The following GNA14 variants were observed in gnomAD, a reference collection of about 807,000 sequenced individuals.
The protein encoded by GNA14 is G protein subunit alpha 14.
A neutral mutation model predicts 42.0 loss-of-function variants in GNA14; 50 were observed. The ratio of observed to expected loss-of-function variants is 1.19; its 90% CI spans 0.95 to 1.51. The LOEUF is 1.51. GNA14 is among the 40% of genes most tolerant of loss of function. The pLI, the probability that GNA14 is intolerant of heterozygous loss-of-function variation, is 0.00. For missense variants in GNA14, 473 were observed against 446.2 expected, an observed-to-expected ratio of 1.06 and a Z score of -0.54; for synonymous variants, 173 against 163.1, an observed-to-expected ratio of 1.06 and a Z score of -0.46.
At chr9:77,612,097 T>C (rs907998576) in intron 1 of GNA14, among the ~76,000 whole-genome samples, 6 of 152,156 alleles carry the variant, frequency 3.9e-5, no homozygotes, top group African/African-American at 1.4e-4. Context: ...AGGCTAAAGA[T>C]CTACATCTAT....
intron 2 of GNA14, among the ~76,000 whole-genome samples, chr9:77,486,493 G>T (rs975811103): frequency 6.6e-5 from 10 of 152,148 alleles, no homozygotes; most frequent in African/African-American, 2.4e-4. Flanking sequence ...TTTCTTTGAA[G>T]AACTTTTCTT....
chr9:77,595,424 T>C (rs767814048), intron 1 of GNA14, among the ~76,000 whole-genome samples: 2 of 151,968 alleles, frequency 1.3e-5, no homozygotes, highest in Non-Finnish European at 2.9e-5. Context: ...AGAACCACCA[T>C]TTATTGAGGG....
intron 2 of GNA14, among the ~76,000 whole-genome samples, chr9:77,440,375 T>C (rs1227035267): frequency 2.0e-5 from 3 of 152,186 alleles, no homozygotes; most frequent in Non-Finnish European, 4.4e-5. Context: ...CAGCCCCGTC[T>C]CCACCAGATC....
chr9:77,633,016 G>A (rs1824123362), intron 1 of GNA14, among the ~76,000 whole-genome samples: 1 of 152,142 alleles, frequency 6.6e-6, no homozygotes, highest in Non-Finnish European at 1.5e-5. Flanking sequence ...TAAAAGTAAT[G>A]TATTTCTCCA....
intron 1 of GNA14, among the ~76,000 whole-genome samples, chr9:77,553,877 A>C (rs887139442): frequency 6.6e-6 from 1 of 152,252 alleles, no homozygotes; most frequent in African/African-American, 2.4e-5. Flanking sequence ...AATGAGAAAA[A>C]AAATAAATGC....
At chr9:77,566,727 A>C (rs942786585) in intron 1 of GNA14, among the ~76,000 whole-genome samples, 1 of 152,174 alleles carries the variant, frequency 6.6e-6, no homozygotes, top group Admixed American at 6.5e-5. Context: ...GTTTTAAGTA[A>C]TATTTGGAAG....
intron 2 of GNA14, among the ~76,000 whole-genome samples, chr9:77,508,587 G>C (rs528046654): frequency 1.3e-5 from 2 of 152,202 alleles, no homozygotes; most frequent in Non-Finnish European, 2.9e-5. Context: ...GTGCGTGAGT[G>C]TATGTTTATG....
At chr9:77,527,332 T>C (rs1235398935) in intron 2 of GNA14, among the ~76,000 whole-genome samples, 1 of 152,222 alleles carries the variant, frequency 6.6e-6, no homozygotes, top group African/African-American at 2.4e-5. Context: ...TAGAATCTCC[T>C]AGTGGCTCAG....
intron 2 of GNA14, among the ~76,000 whole-genome samples, chr9:77,454,187 T>C (rs145621628): frequency 8.2e-4 from 125 of 152,312 alleles, no homozygotes; most frequent in Admixed American, 2.2e-3. Flanking sequence ...TCCTGAAGCT[T>C]TGGATTTGGT....
intron 2 of GNA14, chr9:77,517,593 T>G (rs1450843637): frequency 1.9e-5 from 1 of 52,242 alleles, no homozygotes; most frequent in East Asian, 6.3e-4. Context: ...TACTTTTCTT[T>G]TTTTTTTTTT....
At chr9:77,622,938 G>C (rs534699339) in intron 1 of GNA14, among the ~76,000 whole-genome samples, 2 of 148,250 alleles carry the variant, frequency 1.3e-5, no homozygotes, top group East Asian at 4.0e-4. Context: ...TTCAGGTGGG[G>C]CACAGGTGGC....
chr9:77,512,285 T>A (rs1341730146), intron 2 of GNA14, among the ~76,000 whole-genome samples: 3 of 152,226 alleles, frequency 2.0e-5, no homozygotes, highest in Non-Finnish European at 2.9e-5. Flanking sequence ...TTAAAGGGAC[T>A]AGAGGAGTTT....
At chr9:77,570,539 TA>T (rs1823044112) in intron 1 of GNA14, among the ~76,000 whole-genome samples, 1 of 152,204 alleles carries the variant, frequency 6.6e-6, no homozygotes, top group South Asian at 2.1e-4. Flanking sequence ...ATAATTTTTT[TA>T]GGTTTATTTA....
At chr9:77,629,814 C>T (rs1824067874) in intron 1 of GNA14, among the ~76,000 whole-genome samples, 1 of 152,102 alleles carries the variant, frequency 6.6e-6, no homozygotes, top group Non-Finnish European at 1.5e-5. Context: ...ACCACCATGG[C>T]ACGTGTATAC....
chr9:77,533,456 A>C (rs927406268), intron 1 of GNA14, among the ~76,000 whole-genome samples: 1 of 152,250 alleles, frequency 6.6e-6, no homozygotes, highest in Non-Finnish European at 1.5e-5. Flanking sequence ...CAAGGATTAC[A>C]GGCGTGAGCC....
chr9:77,605,585 G>A (rs1823634152), intron 1 of GNA14, among the ~76,000 whole-genome samples: 1 of 152,156 alleles, frequency 6.6e-6, no homozygotes, highest in Non-Finnish European at 1.5e-5. Flanking sequence ...ATACTACTCA[G>A]TCTTTAAAAA....
At chr9:77,482,231 T>G (rs559415209) in intron 2 of GNA14, among the ~76,000 whole-genome samples, 146 of 151,940 alleles carry the variant, frequency 9.6e-4, no homozygotes, top group African/African-American at 2.5e-3. Flanking sequence ...AGGAGCTCTT[T>G]TAGGGCAGGC....
At chr9:77,588,933 G>T (rs1823346765) in intron 1 of GNA14, among the ~76,000 whole-genome samples, 1 of 152,180 alleles carries the variant, frequency 6.6e-6, no homozygotes, top group Admixed American at 6.5e-5. Context: ...GGGACACATT[G>T]GGGGTTCACA....
intron 2 of GNA14, among the ~76,000 whole-genome samples, chr9:77,528,488 T>C (rs1837476354): frequency 6.6e-6 from 1 of 152,316 alleles, no homozygotes; most frequent in East Asian, 1.9e-4. Context: ...CAGATTTGTA[T>C]TTTAAGTAAC....
Sources: allele counts gnomAD v4.1 joint callset (sites outside exome capture counted in the v4.1 genomes callset), GRCh38; gene constraint gnomAD v4.1.1; transcripts MANE v1.5; gene names NCBI Gene and HGNC (gene_info 2026-07-23, HGNC 2026-07-21).